The following DIAPH2 variants were observed in gnomAD, a reference collection of about 807,000 sequenced individuals.
The protein encoded by DIAPH2 is protein diaphanous homolog 2.
Under a neutral mutation model 92.7 loss-of-function variants are expected in DIAPH2, and 35 were observed. The ratio of observed to expected loss-of-function variants is 0.38; its 90% confidence interval spans 0.29 to 0.50. The LOEUF (loss-of-function observed/expected upper bound fraction) is 0.50. Ranked by LOEUF, DIAPH2 falls within the 20% of genes least tolerant of loss-of-function variation. DIAPH2 has a pLI of 0.94. For synonymous variants in DIAPH2, 301 were observed against 280.4 expected, an observed-to-expected ratio of 1.07 and a Z score of -0.73; for missense variants, 701 against 819.5, an observed-to-expected ratio of 0.86 and a Z score of 1.77.
At chrX:96,738,551 C>G in intron 2 of DIAPH2, 35 bp from the exon 3 acceptor site, 1 of 1,132,819 alleles carries the variant, frequency 8.8e-7, no homozygotes, top group Non-Finnish European at 1.2e-6. Flanking sequence ...TGATCTTTTT[C>G]TCAGGGCTTT....
At chrX:96,884,227 G>A (rs1602594155) in intron 5 of DIAPH2, 3 of 828,620 alleles carry the variant, frequency 3.6e-6, no homozygotes, top group Non-Finnish European at 5.1e-6. Flanking sequence ...AGAGCTCGAA[G>A]CCTTCTGTGG....
intron 21 of DIAPH2, among the ~76,000 whole-genome samples, chrX:97,133,262 GAACT>G (rs1414724015): frequency 5.4e-5 from 6 of 111,600 alleles, no homozygotes; most frequent in African/African-American, 1.3e-4. Flanking sequence ...TTCCAGAAGA[GAACT>G]AACTGTTTTG....
At chrX:97,413,759 GACAA>G (rs1170789640) in intron 25 of DIAPH2, among the ~76,000 whole-genome samples, 1 of 111,491 alleles carries the variant, frequency 9.0e-6, no homozygotes, top group African/African-American at 3.3e-5. Flanking sequence ...ACAAATAACA[GACAA>G]ACAGAGAGCC....
chrX:96,793,529 G>T (rs774017994), intron 4 of DIAPH2: 7 of 343,381 alleles, frequency 2.0e-5, no homozygotes, highest in East Asian at 7.9e-5. Flanking sequence ...CGATCTGGAG[G>T]CTGGGAAGTC....
At chrX:96,782,542 G>A (rs1000127341) in intron 4 of DIAPH2, among the ~76,000 whole-genome samples, 6 of 111,009 alleles carry the variant, frequency 5.4e-5, no homozygotes, top group Non-Finnish European at 9.5e-5. Context: ...CTCGTGATCC[G>A]CCCGCCTCGG....
At chrX:97,203,548 A>T (rs193216018) in intron 22 of DIAPH2, among the ~76,000 whole-genome samples, 96 of 112,245 alleles carry the variant, frequency 8.6e-4, no homozygotes, top group African/African-American at 3.1e-3. Context: ...AAACACCTCT[A>T]CACAAATAAA....
intron 26 of DIAPH2, among the ~76,000 whole-genome samples, chrX:97,434,612 A>T (rs1263757968): frequency 9.1e-6 from 1 of 109,472 alleles, no homozygotes; most frequent in Non-Finnish European, 1.9e-5. Flanking sequence ...AGGTTTCATC[A>T]TATTGGCCAG....
At chrX:97,570,098 A>C (rs1170740328) in intron 26 of DIAPH2, among the ~76,000 whole-genome samples, 1 of 30,865 alleles carries the variant, frequency 3.2e-5, no homozygotes, top group Non-Finnish European at 6.2e-5. Context: ...ATATATATAT[A>C]TATATATATA....
At chrX:97,501,096 C>A (rs771790159) in intron 26 of DIAPH2, among the ~76,000 whole-genome samples, 8 of 108,973 alleles carry the variant, frequency 7.3e-5, no homozygotes, top group Non-Finnish European at 1.3e-4. Context: ...AAAGTCTCAT[C>A]AGTCCTTTTG....
intron 24 of DIAPH2, among the ~76,000 whole-genome samples, chrX:97,371,510 A>ATTTT (rs1266959011): frequency 1.8e-5 from 2 of 111,295 alleles, no homozygotes; most frequent in Admixed American, 9.6e-5. Context: ...ATAAGGAAAT[A>ATTTT]TTTCCTTTTT....
intron 19 of DIAPH2, 40 bp downstream of exon 19, chrX:97,075,301 A>AT (rs1298738569): frequency 3.2e-6 from 3 of 935,153 alleles, no homozygotes; most frequent in East Asian, 6.7e-5. Context: ...ATTTTCACAG[A>AT]TTTTTTTGGA....
At chrX:96,953,955 A>G (rs1264339338) in intron 15 of DIAPH2, 3 of 112,152 alleles carry the variant, frequency 2.7e-5, no homozygotes, top group African/African-American at 9.7e-5. Context: ...TCCAATTGCC[A>G]CTGGAATCCC....
chrX:97,148,596 A>G (rs1602374667), intron 22 of DIAPH2, among the ~76,000 whole-genome samples: 1 of 111,054 alleles, frequency 9.0e-6, no homozygotes, highest in South Asian at 4.1e-4. Context: ...GAGGGGCTCA[A>G]TCTATGGCCA....
chrX:97,178,608 A>C (rs750126846), intron 22 of DIAPH2, among the ~76,000 whole-genome samples: 66 of 108,262 alleles, frequency 6.1e-4, no homozygotes, highest in Non-Finnish European at 1.1e-3. Context: ...GCCCACCATC[A>C]CGCCTGGCTA....
chrX:97,130,468 T>A (rs2067130615), intron 21 of DIAPH2, among the ~76,000 whole-genome samples: 1 of 111,823 alleles, frequency 8.9e-6, no homozygotes, highest in Non-Finnish European at 1.9e-5. Flanking sequence ...TATGAATGAA[T>A]CTCCGTGATG....
chrX:96,725,841 T>G lies in DIAPH2; in HGVS notation c.133-9917T>G, dbSNP rs189804063. 2.5e-3 allele frequency among the ~76,000 whole-genome samples: 280 copies of G among 112,166 alleles called. 2 individuals are homozygous for G. Among genetic ancestry groups the G allele is most frequent in the African/African-American group, 8.5e-3 (264 of 30,946 alleles). On this transcript the variant is annotated intron_variant, in intron 1 of 26. Transcript: ENST00000324765. The stretch of plus-strand genomic sequence containing the variant: ...GTATAATTTTCAGTTTTTGGCAATT[T>G]ATACTCTTGAATTTTTAAAGCAGTG...
chrX:97,502,783 G>T (rs144132326), intron 26 of DIAPH2, among the ~76,000 whole-genome samples: 72 of 112,378 alleles, frequency 6.4e-4, no homozygotes, highest in African/African-American at 2.3e-3. Context: ...TTTCCAAAAC[G>T]TATGGCTTTT....
At chrX:97,419,979 A>G (rs1386088857) in intron 25 of DIAPH2, among the ~76,000 whole-genome samples, 4 of 111,685 alleles carry the variant, frequency 3.6e-5, no homozygotes, top group Non-Finnish European at 7.5e-5. Flanking sequence ...TTGAAATATT[A>G]ATTATTTAAA....
intron 26 of DIAPH2, among the ~76,000 whole-genome samples, chrX:97,561,831 G>C (rs143307062): frequency 8.9e-6 from 1 of 112,364 alleles, no homozygotes; most frequent in Non-Finnish European, 1.9e-5. Flanking sequence ...ACCAGAACTA[G>C]AAAGAAAATG....
Sources: gnomAD v4.1 joint callset for allele counts (sites outside exome capture counted in the v4.1 genomes callset) on GRCh38, gnomAD v4.1.1 for gene constraint, MANE v1.5 for transcripts, NCBI Gene and HGNC (gene_info 2026-07-23, HGNC 2026-07-21) for gene names.